The following OR7A10 variants were observed in gnomAD, a reference collection of about 807,000 sequenced individuals.
The protein encoded by OR7A10 is olfactory receptor 7A10.
For missense variants in OR7A10, 358 were observed against 370.1 expected (o/e 0.97, Z 0.27); for synonymous variants, 144 against 144.5 (o/e 1.00, Z 0.02).
At chr19:14,843,415 C>G (rs1165925511) in intron 1 of OR7A10, among the ~76,000 whole-genome samples, 1 of 152,170 alleles carries the variant, frequency 6.6e-6, no homozygotes, top group Non-Finnish European at 1.5e-5. Context: ...CTTTTAGTGT[C>G]TTTTGAGAAT....
rs772883708 is a variant in OR7A10 at position 14,841,336 on chromosome 19, A to G, written c.542T>C (p.Ile181Thr). The stretch of plus-strand genomic sequence containing the variant: ...ACAGGCAAGGTGGACCACCTGATTA[A>G]TTTCACAGAAAAAATGAGGGATTTC... ...HMEIPHFFCEINQVVHLACSD... is the reference protein window; with the variant it reads ...HMEIPHFFCETNQVVHLACSD... The change falls in exon 2 of 2, where the codon ATT (isoleucine) becomes ACT (threonine). Residue 181 changes from isoleucine to threonine, a missense_variant. Ile to Thr is a moderately conservative substitution (Grantham distance 89, BLOSUM62 -1). Transcript: ENST00000641129. The G allele has an allele frequency of 3.7e-6, 6 of 1,614,086 alleles. No individual in the cohort carries two copies. In the African/African-American group the frequency reaches 6.7e-5, roughly 18 times the overall value.
intron 1 of OR7A10, among the ~76,000 whole-genome samples, chr19:14,842,200 C>T (rs1599931776): frequency 3.3e-5 from 5 of 152,110 alleles, no homozygotes; most frequent in Admixed American, 3.3e-4. Flanking sequence ...AATAGGTGTT[C>T]GATCCTTACT....
intron 1 of OR7A10, among the ~76,000 whole-genome samples, chr19:14,845,449 T>G (rs1350355164): frequency 6.6e-6 from 1 of 151,618 alleles, no homozygotes; most frequent in East Asian, 1.9e-4. Flanking sequence ...GACTCCAGCC[T>G]GGGCAACAGA....
rs2044910552 is a variant in OR7A10 at position 14,841,300 on chromosome 19, A to G, written c.578T>C (p.Phe193Ser). Residue 193 changes from phenylalanine to serine, a missense_variant, in exon 2 of 2, where the codon TTT becomes TCT. Phe to Ser is a radical substitution (Grantham distance 155). Transcript: ENST00000641129. The stretch of plus-strand genomic sequence containing the variant: ...AAAATACATCACTATGTCATTAAGA[A>G]AGGTGTCAGAACAGGCAAGGTGGAC... ...QVVHLACSDTFLNDIVMYFAV... is the reference protein window; with the variant it reads ...QVVHLACSDTSLNDIVMYFAV... 1 of 1,614,194 alleles carries G rather than the reference A, an allele frequency of 6.2e-7. No individual in the cohort carries two copies.
At position 14,840,869 on chromosome 19, in the gene OR7A10, A is replaced by T. The variant is rs2044906593; in HGVS notation, c.*79T>A. Reference sequence around the variant, plus strand: ...GGAAGGGGCAAGTCTTCCTTCCACCATCTTATTAACAAATCACCATTTCTG... The same window carrying T: ...GGAAGGGGCAAGTCTTCCTTCCACCTTCTTATTAACAAATCACCATTTCTG... On this transcript the variant is annotated 3_prime_UTR_variant, in exon 2 of 2. Transcript: ENST00000641129. 5.8e-6 allele frequency: 6 copies of T among 1,027,478 alleles called. No homozygotes were observed. The highest frequency in any genetic ancestry group is 8.6e-6 in the Non-Finnish European group (6 of 694,630). The allele number at this position is 1,027,478 out of a possible 1,614,324, so 63.6% of individuals were successfully genotyped here.
chr19:14,846,709 C>CAAAAAAAAAAAAAAAAA (rs60087409), intron 1 of OR7A10, among the ~76,000 whole-genome samples: 14 of 64,028 alleles, frequency 2.2e-4, no homozygotes, highest in Admixed American at 4.8e-4. Context: ...GACTCCATCT[C>CAAAAAAAAAAAAAAAAA]AAAAAAAAAA....
At chr19:14,845,359 C>T (rs1263327866) in intron 1 of OR7A10, among the ~76,000 whole-genome samples, 1 of 151,902 alleles carries the variant, frequency 6.6e-6, no homozygotes, top group Non-Finnish European at 1.5e-5. Context: ...CCTGTAATCC[C>T]AGCTACTGGG....
At chr19:14,846,577 G>T (rs541524302) in intron 1 of OR7A10, among the ~76,000 whole-genome samples, 1 of 151,894 alleles carries the variant, frequency 6.6e-6, no homozygotes, top group Admixed American at 6.6e-5. Flanking sequence ...GCGTGTGGTG[G>T]TTGGTGCCTG....
chr19:14,845,300 C>T (rs2044937227), intron 1 of OR7A10, among the ~76,000 whole-genome samples: 2 of 151,922 alleles, frequency 1.3e-5, no homozygotes, highest in South Asian at 2.1e-4. Flanking sequence ...CATGGTGACA[C>T]CCTGTCTCTA....
chr19:14,843,552 C>T (rs2044925769), intron 1 of OR7A10, among the ~76,000 whole-genome samples: 1 of 152,176 alleles, frequency 6.6e-6, no homozygotes. Context: ...CTCCACTTCC[C>T]CCAGCCTCCA....
At chr19:14,848,106 G>C (rs1419667700) in intron 1 of OR7A10, among the ~76,000 whole-genome samples, 1 of 146,310 alleles carries the variant, frequency 6.8e-6, no homozygotes, top group African/African-American at 2.5e-5. Flanking sequence ...CTGGGCGACA[G>C]AGTAAGACTC....
intron 1 of OR7A10, among the ~76,000 whole-genome samples, chr19:14,844,664 G>GTTTTTTGTTTTTTTTTTTT (rs1555697160): frequency 2.6e-4 from 25 of 97,666 alleles, no homozygotes; most frequent in South Asian, 4.0e-4. Flanking sequence ...TGAGTTCTGT[G>GTTTTTTGTTTTTTTTTTTT]TTTTTTTTTT....
In OR7A10 at chr19:14,846,568, C is replaced by A. The variant is rs8113069; in HGVS notation, c.-13+1932G>T. 5.2e-3 allele frequency among the ~76,000 whole-genome samples: 785 copies of A among 151,026 alleles called. 8 individuals are homozygous for A. Among genetic ancestry groups the A allele is most frequent in the African/African-American group, 0.018 (740 of 41,178 alleles). Reference sequence around the variant, plus strand: ...ACAGGAAGTCTTTTAAAATTATCTGCGTGTGGTGGTTGGTGCCTGTAATCC... The same window carrying A: ...ACAGGAAGTCTTTTAAAATTATCTGAGTGTGGTGGTTGGTGCCTGTAATCC... On this transcript the variant is annotated intron_variant, in intron 1 of 1. Coordinates refer to ENST00000641129, the MANE Select transcript of OR7A10 (RefSeq NM_001005190.2).
chr19:14,841,785 G>A lies in OR7A10; in HGVS notation c.93C>T (p.Phe31=), dbSNP rs1218303960. The change falls in exon 2 of 2, where the codon TTC becomes TTT. Residue 31 remains phenylalanine, a synonymous_variant. Coordinates refer to ENST00000641129, the MANE Select transcript of OR7A10 (RefSeq NM_001005190.2). ...PELQAFLFGL[F]LSMYLVTVLG... is the part of the protein sequence containing the mutation. ...GCACAGTGACCAGGTACATGGACAG[G>A]AACAGCCCAAAGAGGAAGGCCTGCA... is the stretch of plus-strand genomic sequence containing the variant. The A allele has an allele frequency of 6.2e-7, 1 of 1,613,882 alleles. No homozygotes were observed. Among genetic ancestry groups the A allele is most frequent in the Admixed American group, 1.7e-5 (1 of 59,968 alleles).
intron 1 of OR7A10, among the ~76,000 whole-genome samples, chr19:14,843,028 G>A (rs1599932066): frequency 1.3e-5 from 2 of 152,134 alleles, no homozygotes; most frequent in Admixed American, 6.5e-5. Flanking sequence ...CAAAGGACAC[G>A]AGCAGACACT....
In OR7A10 at chr19:14,841,923, T is replaced by A. The variant is rs762881803; in HGVS notation, c.-12-34A>T. The A allele has an allele frequency of 3.9e-4, 398 of 1,029,074 alleles. 1 individual carries two copies. The highest frequency in any genetic ancestry group is 1.9e-3 in the African/African-American group (95 of 50,884). The allele number at this position is 1,029,074 out of a possible 1,614,324, so 63.7% of individuals were successfully genotyped here. ...GAGAGAGAGAGAGAGAGAGAGAGAG[T>A]GAAAGAACATGAAACAAACATGCAT... On this transcript the variant is annotated intron_variant, in intron 1 of 1. Transcript: ENST00000641129.
chr19:14,845,014 G>T (rs1280531322), intron 1 of OR7A10, among the ~76,000 whole-genome samples: 2 of 150,540 alleles, frequency 1.3e-5, no homozygotes, highest in Non-Finnish European at 3.0e-5. Context: ...TTGGTCCCAG[G>T]TTCTTTTTCT....
At chr19:14,845,349 C>T (rs2145097888) in intron 1 of OR7A10, among the ~76,000 whole-genome samples, 1 of 152,106 alleles carries the variant, frequency 6.6e-6, no homozygotes, top group Non-Finnish European at 1.5e-5. Context: ...GTGGTGGGCG[C>T]CTGTAATCCC....
chr19:14,840,790 T>C lies in OR7A10; in HGVS notation c.*158A>G. The stretch of plus-strand genomic sequence containing the variant: ...ATCTCTGACTCTAAGAAGAACAGTG[T>C]AAGCTCTATAAAGTAGTTGAGGAAC... On this transcript the variant is annotated 3_prime_UTR_variant, in exon 2 of 2. Transcript: ENST00000641129. 3.4e-6 allele frequency: 2 copies of C among 582,402 alleles called. No individual in the cohort carries two copies. Among genetic ancestry groups the C allele is most frequent in the Non-Finnish European group, 6.1e-6 (2 of 329,080 alleles). 36.1% of individuals were successfully genotyped at this position (582,402 alleles called of 1,614,324 possible).
Sources: gnomAD v4.1 joint callset for allele counts (sites outside exome capture counted in the v4.1 genomes callset) on GRCh38, gnomAD v4.1.1 for gene constraint, MANE v1.5 for transcripts, NCBI Gene and HGNC (gene_info 2026-07-23, HGNC 2026-07-21) for gene names.